The following EDC3 variants were observed in gnomAD, a reference collection of about 807,000 sequenced individuals.
The protein encoded by EDC3 is enhancer of mRNA-decapping protein 3.
Under a neutral mutation model 41.8 loss-of-function variants are expected in EDC3, and 20 were observed. The ratio of observed to expected loss-of-function variants is 0.48; its 90% confidence interval spans 0.34 to 0.70. The LOEUF is 0.70. Among genes scored for constraint, EDC3 ranks in the 30% least tolerant of loss-of-function variants. The pLI is 0.01. For missense variants in EDC3, 444 were observed against 636.8 expected (o/e 0.70, Z 3.26); for synonymous variants, 206 against 243.2 (o/e 0.85, Z 1.42).
chr15:74,663,008 TG>T (rs776291340), intron 3 of EDC3, among the ~76,000 whole-genome samples: 9 of 152,184 alleles, frequency 5.9e-5, no homozygotes, highest in Non-Finnish European at 1.2e-4. Context: ...TGAGCTGGCC[TG>T]GCGCAGTGGC....
At chr15:74,683,830 T>C (rs1010923485) in intron 1 of EDC3, among the ~76,000 whole-genome samples, 8 of 152,110 alleles carry the variant, frequency 5.3e-5, no homozygotes, top group African/African-American at 1.9e-4. Context: ...TTAACAATCA[T>C]TCACTATATT....
At chr15:74,678,593 A>G (rs1306718221) in intron 1 of EDC3, among the ~76,000 whole-genome samples, 3 of 152,150 alleles carry the variant, frequency 2.0e-5, no homozygotes, top group Non-Finnish European at 2.9e-5. Flanking sequence ...ACTTTTAGAA[A>G]ACACAGGGGA....
chr15:74,633,551 C>A (rs1332308779), intron 6 of EDC3, among the ~76,000 whole-genome samples: 2 of 152,194 alleles, frequency 1.3e-5, no homozygotes, highest in East Asian at 3.8e-4. Context: ...TAAGAGGGAA[C>A]CTATTACTAT....
rs978789243 is a variant in EDC3 at position 74,630,639 on chromosome 15, T to TG, written c.*1972dup. 1.3e-5 allele frequency: 2 copies of TG among 152,312 alleles called. No homozygotes were observed. The highest frequency in any genetic ancestry group is 2.4e-5 in the African/African-American group (1 of 41,460). 9.4% of individuals were successfully genotyped at this position (152,312 alleles called of 1,614,324 possible). The stretch of plus-strand genomic sequence containing the variant: ...TGAGTGCTAGGCTTCACCACGTGAC[T>TG]GGGGGCCCCTTGGGAACTGGGTACT... On this transcript the variant is annotated 3_prime_UTR_variant, in exon 7 of 7. Coordinates refer to ENST00000315127, the MANE Select transcript of EDC3 (RefSeq NM_025083.5).
chr15:74,689,421 G>GT (rs1199301832), intron 1 of EDC3, among the ~76,000 whole-genome samples: 1 of 152,032 alleles, frequency 6.6e-6, no homozygotes, highest in African/African-American at 2.4e-5. Context: ...TCCTAAAATT[G>GT]TAATGACTAC....
At position 74,671,530 on chromosome 15, in the gene EDC3, A is replaced by T; in HGVS notation, c.409T>A (p.Cys137Ser). The change falls in exon 3 of 7, where the codon TGC becomes AGC. Residue 137 changes from cysteine (C) to serine (S), a missense_variant. Cys to Ser is a moderately radical substitution (Grantham distance 112, BLOSUM62 -1). Coordinates refer to ENST00000315127, the MANE Select transcript of EDC3 (RefSeq NM_025083.5). The surrounding 1 kb of genome is among the most constrained non-coding windows in gnomAD (Gnocchi z 4.6). ...DVAVSPQQQQ[C>S]SKSYVDRHME... ...TGCCTGTCGACATAGCTCTTTGAGC[A>T]CTGTTGCTGCTGCGGGGAAACGGCA... 1.2e-6 allele frequency: 2 copies of T among 1,614,218 alleles called. No homozygotes were observed. The highest frequency in any genetic ancestry group is 1.7e-6 in the Non-Finnish European group (2 of 1,180,050).
At chr15:74,669,706 C>T (rs1164699771) in intron 3 of EDC3, among the ~76,000 whole-genome samples, 2 of 152,018 alleles carry the variant, frequency 1.3e-5, no homozygotes, top group African/African-American at 2.4e-5. Flanking sequence ...AAGAAGTATC[C>T]GGAATTTTAT....
chr15:74,657,398 C>T (rs2062562771), intron 3 of EDC3, among the ~76,000 whole-genome samples: 1 of 152,218 alleles, frequency 6.6e-6, no homozygotes, highest in Non-Finnish European at 1.5e-5. Flanking sequence ...GGAGTTTGAT[C>T]CCACTGGCAC....
At chr15:74,675,900 T>A (rs1413841048) in intron 1 of EDC3, among the ~76,000 whole-genome samples, 4 of 151,794 alleles carry the variant, frequency 2.6e-5, no homozygotes, top group African/African-American at 2.4e-5. Context: ...AAAAAGAAAT[T>A]TTTTTAAAGC....
chr15:74,681,430 G>A (rs1203099099), intron 1 of EDC3, among the ~76,000 whole-genome samples: 5 of 152,168 alleles, frequency 3.3e-5, no homozygotes, highest in South Asian at 2.1e-4. Flanking sequence ...GATTACAGGC[G>A]TGAGCCACCA....
At chr15:74,652,841 A>T (rs564107289) in intron 4 of EDC3, among the ~76,000 whole-genome samples, 1 of 151,842 alleles carries the variant, frequency 6.6e-6, no homozygotes, top group African/African-American at 2.4e-5. Flanking sequence ...TGGCCTCCCG[A>T]AGTGCTGGGA....
chr15:74,656,160 A>G, intron 3 of EDC3, 92 bp from the exon 4 acceptor site: 1 of 1,215,726 alleles, frequency 8.2e-7, no homozygotes. Context: ...AGAGTGTTAC[A>G]GGAACCAATG....
intron 6 of EDC3, among the ~76,000 whole-genome samples, chr15:74,633,639 G>T (rs1380313741): frequency 6.6e-6 from 1 of 152,210 alleles, no homozygotes; most frequent in Non-Finnish European, 1.5e-5. Context: ...TGTAGATCCT[G>T]TACTGGCCTA....
intron 1 of EDC3, among the ~76,000 whole-genome samples, chr15:74,678,246 C>T (rs1043443835): frequency 6.6e-6 from 1 of 152,054 alleles, no homozygotes; most frequent in African/African-American, 2.4e-5. Context: ...TGGATGACAA[C>T]GAAGTGTCAG....
chr15:74,643,035 T>C (rs1185973829), intron 4 of EDC3: 1 of 152,208 alleles, frequency 6.6e-6, no homozygotes, highest in Non-Finnish European at 1.5e-5. Flanking sequence ...CTGGCAGTTA[T>C]GGGGTCTAGA....
chr15:74,660,608 A>G (rs1412906301), intron 3 of EDC3, among the ~76,000 whole-genome samples: 2 of 152,058 alleles, frequency 1.3e-5, no homozygotes, highest in East Asian at 1.9e-4. Flanking sequence ...ATACACAGAC[A>G]AGGGAAGAAC....
At chr15:74,666,032 A>G (rs1169995431) in intron 3 of EDC3, among the ~76,000 whole-genome samples, 3 of 152,074 alleles carry the variant, frequency 2.0e-5, no homozygotes, top group Admixed American at 6.6e-5. Flanking sequence ...TCCTGAGCTC[A>G]GGCAACCTGC....
intron 3 of EDC3, among the ~76,000 whole-genome samples, chr15:74,665,627 T>A (rs1375603563): frequency 1.3e-5 from 2 of 152,168 alleles, no homozygotes; most frequent in African/African-American, 2.4e-5. Flanking sequence ...ATTCTTTACA[T>A]GATTCTTTAA....
rs1374805142 is a variant in EDC3, at chr15:74,671,303, T to C, written c.484+152A>G. The C allele has an allele frequency of 2.2e-6, 2 of 892,152 alleles. No individual in the cohort carries two copies. Among genetic ancestry groups the C allele is most frequent in the Non-Finnish European group, 3.4e-6 (2 of 593,008 alleles). 55.3% of individuals were successfully genotyped at this position (892,152 alleles called of 1,614,324 possible). ...CCTTAACATCTTGAGGAATGAGGCC[T>C]GGAGGAAGAGAACCATGTTGTATTT... On this transcript the variant is annotated intron_variant, in intron 3 of 6. Coordinates refer to ENST00000315127, the MANE Select transcript of EDC3 (RefSeq NM_025083.5). This position sits in a 1 kb window ranked among gnomAD's most constrained non-coding sequence, Gnocchi z 4.6.
Sources: gnomAD v4.1 joint callset for allele counts (sites outside exome capture counted in the v4.1 genomes callset) on GRCh38, gnomAD v4.1.1 for gene constraint, Gnocchi (gnomAD v3.1) non-coding constraint, MANE v1.5 for transcripts, NCBI Gene and HGNC (gene_info 2026-07-23, HGNC 2026-07-21) for gene names.